The following HSP90AA1 variants were observed in gnomAD, a reference collection of about 807,000 sequenced individuals.
HSP90AA1 encodes the protein heat shock protein 90 alpha family class A member 1.
In HSP90AA1, 18 loss-of-function variants were observed where a neutral mutation model predicts 73.3. That is an observed-to-expected ratio of 0.25 (90% confidence interval 0.17 to 0.36). The LOEUF (loss-of-function observed/expected upper bound fraction) is 0.36, where lower values mean the gene tolerates loss of function less well. Among genes scored for constraint, HSP90AA1 ranks in the 10% least tolerant of loss-of-function variants. The probability of loss-of-function intolerance (pLI) is 1.00; values close to 1 mark genes in which losing one functional copy is unlikely to be tolerated. For synonymous variants in HSP90AA1, 477 were observed against 296.9 expected (o/e 1.61, Z -6.24); for missense variants, 704 against 874.2 (o/e 0.81, Z 2.45).
chr14:102,121,450 T>C (rs2049777881), intron 1 of HSP90AA1, among the ~76,000 whole-genome samples: 1 of 152,186 alleles, frequency 6.6e-6, no homozygotes. Flanking sequence ...TCAAATCACA[T>C]AACTACAATA....
chr14:102,090,120 C>T (rs566550679), upstream of HSP90AA1, among the ~76,000 whole-genome samples: 6 of 152,370 alleles, frequency 3.9e-5, no homozygotes, highest in South Asian at 6.2e-4. Flanking sequence ...CCACTGTGCT[C>T]CTATTTCTGT....
upstream of HSP90AA1, chr14:102,087,048 G>C (rs1205920127): frequency 1.0e-6 from 1 of 985,448 alleles, no homozygotes; most frequent in African/African-American, 1.7e-5. Flanking sequence ...AGCAACTGAC[G>C]CGCCACCCCC....
chr14:102,094,622 A>G (rs1047597815), intron 2 of HSP90AA1, among the ~76,000 whole-genome samples: 5 of 152,200 alleles, frequency 3.3e-5, no homozygotes, highest in African/African-American at 1.2e-4. Context: ...GGAGTTAGCC[A>G]GGGAACAGTG....
At chr14:102,123,220 C>A (rs1165734495) in intron 1 of HSP90AA1, among the ~76,000 whole-genome samples, 1 of 151,676 alleles carries the variant, frequency 6.6e-6, no homozygotes, top group Admixed American at 6.6e-5. Flanking sequence ...GATGGTGAAA[C>A]CCCATTTCTA....
chr14:102,134,163 C>A (rs1466267238), intron 1 of HSP90AA1, among the ~76,000 whole-genome samples: 3 of 148,392 alleles, frequency 2.0e-5, no homozygotes, highest in Non-Finnish European at 3.0e-5. Flanking sequence ...AAAAAAAAAA[C>A]CCCGTCTCTA....
At chr14:102,137,395 G>A (rs990514424) in intron 1 of HSP90AA1, among the ~76,000 whole-genome samples, 4 of 151,712 alleles carry the variant, frequency 2.6e-5, no homozygotes, top group African/African-American at 7.2e-5. Flanking sequence ...GTGCCATCTC[G>A]GCTCATTGCA....
intron 1 of HSP90AA1, among the ~76,000 whole-genome samples, chr14:102,134,805 T>C (rs1180633351): frequency 6.6e-6 from 1 of 152,152 alleles, no homozygotes; most frequent in Non-Finnish European, 1.5e-5. Flanking sequence ...AGAACAAAGC[T>C]TCTACAGTGC....
chr14:102,085,448 A>G lies in HSP90AA1; in HGVS notation c.530-17T>C. On this transcript the variant is annotated splice_polypyrimidine_tract_variant and intron_variant, in intron 3 of 10. Coordinates refer to ENST00000216281, the MANE Select transcript of HSP90AA1 (RefSeq NM_005348.4). ...TAGGTTCACCTGCAAGAGAAGAAAG[A>G]AAAATTGACTTAATACATTCAATTT... 1 of 1,495,380 alleles carries G rather than the reference A, an allele frequency of 6.7e-7. No individual in the cohort carries two copies. Among genetic ancestry groups the G allele is most frequent in the East Asian group, 2.5e-5 (1 of 40,344 alleles). 92.6% of individuals were successfully genotyped at this position (1,495,380 alleles called of 1,614,324 possible).
chr14:102,089,007 A>G (rs187185989), upstream of HSP90AA1, among the ~76,000 whole-genome samples: 77 of 147,668 alleles, frequency 5.2e-4, no homozygotes, highest in East Asian at 0.012. Context: ...TGCAACCTCT[A>G]CCTCCTGGGT....
chr14:102,131,431 C>T (rs183102994), intron 1 of HSP90AA1, among the ~76,000 whole-genome samples: 85 of 152,312 alleles, frequency 5.6e-4, no homozygotes, highest in Middle Eastern at 6.8e-3. Context: ...TCCTTAGTGA[C>T]CTTCCTGTTC....
In HSP90AA1 at chr14:102,083,776, T is replaced by C. The variant is rs199542766; in HGVS notation, c.1338+17A>G. The C allele has an allele frequency of 1.0e-5, 16 of 1,598,748 alleles. No individual in the cohort carries two copies. In the East Asian group the frequency reaches 1.8e-4, roughly 18 times the overall value. On this transcript the variant is annotated intron_variant, in intron 7 of 10. Coordinates refer to ENST00000216281, the MANE Select transcript of HSP90AA1 (RefSeq NM_005348.4). ...CTAAAGAGGCCAATTGGAAAACTAA[T>C]GGTTATTTACACCAACCTTTATGTT... is the stretch of plus-strand genomic sequence containing the variant.
chr14:102,108,972 T>C (rs1247614802), intron 1 of HSP90AA1, among the ~76,000 whole-genome samples: 1 of 152,166 alleles, frequency 6.6e-6, no homozygotes, highest in Non-Finnish European at 1.5e-5. Flanking sequence ...TAATTTTTAT[T>C]GGACAGCTGA....
chr14:102,084,164 G>T, intron 6 of HSP90AA1, 181 bp from the exon 7 acceptor site: 1 of 696,774 alleles, frequency 1.4e-6, no homozygotes, highest in Non-Finnish European at 2.5e-6. Flanking sequence ...CTGCCTCCCG[G>T]GGGGGTTCAA....
At chr14:102,128,921 T>C (rs2049871036) in intron 1 of HSP90AA1, among the ~76,000 whole-genome samples, 1 of 152,086 alleles carries the variant, frequency 6.6e-6, no homozygotes, top group Admixed American at 6.6e-5. Flanking sequence ...TGAGAAAGGT[T>C]TATGCCTTAC....
chr14:102,126,712 T>C (rs899109414), intron 1 of HSP90AA1, among the ~76,000 whole-genome samples: 4 of 152,070 alleles, frequency 2.6e-5, no homozygotes, highest in Non-Finnish European at 5.9e-5. Flanking sequence ...GTACTTTTAG[T>C]AGAGATGGGG....
intron 1 of HSP90AA1, among the ~76,000 whole-genome samples, chr14:102,104,924 C>T (rs556596006): frequency 1.8e-4 from 27 of 151,290 alleles, no homozygotes; most frequent in Admixed American, 7.9e-4. Context: ...CTTGGCTTGG[C>T]GCAGTGGCTC....
At chr14:102,108,858 T>C (rs2049604312) in intron 1 of HSP90AA1, among the ~76,000 whole-genome samples, 1 of 152,188 alleles carries the variant, frequency 6.6e-6, no homozygotes, top group South Asian at 2.1e-4. Flanking sequence ...TCTTATCTGA[T>C]TGCTTTGGCT....
intron 1 of HSP90AA1, among the ~76,000 whole-genome samples, chr14:102,136,430 C>T (rs1190589): frequency 1.3e-5 from 2 of 151,696 alleles, no homozygotes; most frequent in Admixed American, 6.6e-5. Context: ...TTGGCCAGGC[C>T]TGGTGGCACA....
intron 1 of HSP90AA1, among the ~76,000 whole-genome samples, chr14:102,134,548 T>C (rs940901810): frequency 6.6e-6 from 1 of 152,136 alleles, no homozygotes; most frequent in African/African-American, 2.4e-5. Context: ...TGTTCGGTTG[T>C]GTTCAGAGTT....
Sources: gnomAD v4.1 joint callset for allele counts (sites outside exome capture counted in the v4.1 genomes callset) on GRCh38, gnomAD v4.1.1 for gene constraint, MANE v1.5 for transcripts, NCBI Gene and HGNC (gene_info 2026-07-23, HGNC 2026-07-21) for gene names.